AGO3: variants seen among roughly 807,000 people sequenced by gnomAD.
The protein encoded by AGO3 is argonaute RISC catalytic component 3, also known as protein argonaute-3.
A neutral mutation model predicts 105.5 loss-of-function variants in AGO3; 16 were observed. The observed-to-expected ratio is 0.15, with a 90% CI of 0.10 to 0.23. The LOEUF is 0.23. Among genes scored for constraint, AGO3 ranks in the 10% least tolerant of loss-of-function variants. The probability of loss-of-function intolerance (pLI) is 1.00; values close to 1 mark genes in which losing one functional copy is unlikely to be tolerated. For missense variants in AGO3, 534 were observed against 1,088.0 expected (o/e 0.49, Z 7.16); for synonymous variants, 340 against 367.3 (o/e 0.93, Z 0.85).
At chr1:35,970,324 C>T (rs1646842494) in intron 3 of AGO3, among the ~76,000 whole-genome samples, 1 of 152,144 alleles carries the variant, frequency 6.6e-6, no homozygotes, top group South Asian at 2.1e-4. Flanking sequence ...ATCGTGAGTT[C>T]ACACCCGATT....
chr1:35,992,070 G>A (rs1317057523), intron 5 of AGO3: 2 of 152,168 alleles, frequency 1.3e-5, no homozygotes, highest in East Asian at 3.8e-4. Flanking sequence ...TCTCTTGGCT[G>A]GTCAGGTTGT....
chr1:35,937,720 C>A (rs1646176574), intron 1 of AGO3, among the ~76,000 whole-genome samples: 1 of 152,066 alleles, frequency 6.6e-6, no homozygotes, highest in Non-Finnish European at 1.5e-5. Flanking sequence ...CCCATACTGC[C>A]ACCTGATAAG....
At chr1:35,951,440 C>T (rs2148755368) in intron 2 of AGO3, among the ~76,000 whole-genome samples, 1 of 152,226 alleles carries the variant, frequency 6.6e-6, no homozygotes, top group South Asian at 2.1e-4. Flanking sequence ...CTCTGTCACC[C>T]AGGCTGGAGT....
At chr1:36,026,678 A>G (rs940337952) in intron 11 of AGO3, among the ~76,000 whole-genome samples, 7 of 152,218 alleles carry the variant, frequency 4.6e-5, no homozygotes, top group Admixed American at 2.0e-4. Context: ...AGTTTTTACC[A>G]TGGTCCTGGA....
intron 5 of AGO3, among the ~76,000 whole-genome samples, chr1:35,990,275 G>A (rs953456800): frequency 4.6e-5 from 7 of 152,090 alleles, no homozygotes; most frequent in South Asian, 2.1e-4. Context: ...TTGGGAGGCC[G>A]AGGGGGGTGG....
intron 2 of AGO3, among the ~76,000 whole-genome samples, chr1:35,965,892 C>G (rs540487168): frequency 7.2e-6 from 1 of 138,536 alleles, no homozygotes; most frequent in Non-Finnish European, 1.5e-5. Context: ...ATGGCGTGAT[C>G]TCGGCTCACC....
intron 2 of AGO3, among the ~76,000 whole-genome samples, chr1:35,960,653 T>G (rs763509914): frequency 1.3e-5 from 2 of 151,958 alleles, no homozygotes; most frequent in African/African-American, 4.8e-5. Flanking sequence ...TTAAAAAAAA[T>G]TCTAAATATA....
chr1:36,008,850 G>A lies in AGO3; in HGVS notation c.882-47G>A. The stretch of plus-strand genomic sequence containing the variant: ...AGTTAGTGGGGTTGGGAGTTTTTCT[G>A]GCTCATAATGGGCAAGAATTGTTCA... On this transcript the variant is annotated intron_variant, in intron 7 of 18. Coordinates refer to ENST00000373191, the MANE Select transcript of AGO3 (RefSeq NM_024852.4). This position sits in a 1 kb window ranked among gnomAD's most constrained non-coding sequence, Gnocchi z 5.1. 2 of 1,613,978 alleles carry A rather than the reference G, an allele frequency of 1.2e-6. No individual in the cohort carries two copies. Among genetic ancestry groups the A allele is most frequent in the East Asian group, 4.5e-5 (2 of 44,836 alleles).
intron 5 of AGO3, chr1:36,003,923 G>A (rs1418103063): frequency 6.6e-6 from 1 of 152,460 alleles, no homozygotes; most frequent in Non-Finnish European, 1.5e-5. Context: ...GGGAGGCTGA[G>A]GCGGGAGGAT....
chr1:35,941,325 C>A (rs761518822), intron 1 of AGO3, among the ~76,000 whole-genome samples: 2 of 152,102 alleles, frequency 1.3e-5, no homozygotes, highest in Non-Finnish European at 2.9e-5. Flanking sequence ...TTCACCTAGA[C>A]AGCCACATAG....
At chr1:35,988,214 T>C (rs1647295200) in intron 5 of AGO3, among the ~76,000 whole-genome samples, 1 of 152,250 alleles carries the variant, frequency 6.6e-6, no homozygotes. Context: ...GTATACAGTG[T>C]GATTTTTGAT....
At chr1:36,007,787 A>G (rs1640408483) in intron 6 of AGO3, among the ~76,000 whole-genome samples, 2 of 152,206 alleles carry the variant, frequency 1.3e-5, no homozygotes, top group Non-Finnish European at 2.9e-5. Context: ...TGATTACCAT[A>G]TTAGCATAAA....
Position 36,055,858 on chromosome 1 carries a change from A to G in AGO3, c.*113A>G. On this transcript the variant is annotated 3_prime_UTR_variant, in exon 19 of 19. Transcript: ENST00000373191. The surrounding 1 kb of genome is among the most constrained non-coding windows in gnomAD (Gnocchi z 4.4). ...CACCTCCAGCCATACAGAAACCAAC[A>G]CTGTGTGGGGGCCAAGGTCTGATCC... 2.1e-6 allele frequency: 2 copies of G among 955,294 alleles called. No homozygotes were observed. The highest frequency in any genetic ancestry group is 4.5e-5 in the Admixed American group (2 of 44,216). The allele number at this position is 955,294 out of a possible 1,614,324, so 59.2% of individuals were successfully genotyped here.
Position 36,042,413 on chromosome 1 carries a change from G to T in AGO3, c.2173-1034G>T, listed in dbSNP as rs558632633. ...AACTTTTTGTATATATTAATTAGAA[G>T]ATTTACGTGTTGCTAATTTATTAGA... On this transcript the variant is annotated intron_variant, in intron 16 of 18. Coordinates refer to ENST00000373191, the MANE Select transcript of AGO3 (RefSeq NM_024852.4). Among the ~76,000 whole-genome samples, 31 of 152,280 alleles carry T rather than the reference G, an allele frequency of 2.0e-4. 1 individual carries two copies. Among genetic ancestry groups the T allele is most frequent in the African/African-American group, 7.0e-4 (29 of 41,562 alleles).
At chr1:36,036,883 A>G (rs1642035022) in intron 14 of AGO3, among the ~76,000 whole-genome samples, 1 of 151,884 alleles carries the variant, frequency 6.6e-6, no homozygotes, top group Non-Finnish European at 1.5e-5. Context: ...TTTAGTAGAG[A>G]CGGGGCTTCA....
In AGO3 at chr1:36,062,659, A is replaced by G. The variant is rs1284817695; in HGVS notation, c.*6914A>G. ...ACCTACCAGAGGGCAATTTTGCTCC[A>G]TACCAGGAAGCAGTAAATAGCAGTA... On this transcript the variant is annotated 3_prime_UTR_variant, in exon 19 of 19. Coordinates refer to ENST00000373191, the MANE Select transcript of AGO3 (RefSeq NM_024852.4). 5 of 152,176 alleles carry G rather than the reference A, an allele frequency of 3.3e-5. No homozygotes were observed. Among genetic ancestry groups the G allele is most frequent in the East Asian group, 3.8e-4 (2 of 5,196 alleles). The allele number at this position is 152,176 out of a possible 1,614,324, so 9.4% of individuals were successfully genotyped here. A position where few individuals can be genotyped will look rare whatever the true frequency, so the allele number is the denominator to read the frequency against.
intron 5 of AGO3, among the ~76,000 whole-genome samples, chr1:35,983,962 G>T (rs995119604): frequency 1.3e-5 from 2 of 152,074 alleles, no homozygotes; most frequent in African/African-American, 4.8e-5. Flanking sequence ...AAGAGTGTTG[G>T]GACTCTTCAG....
At position 36,027,799 on chromosome 1, in the gene AGO3, T is replaced by G. The variant is rs1641577869; in HGVS notation, c.1591+501T>G. Among the ~76,000 whole-genome samples the G allele has an allele frequency of 1.3e-5, 2 of 150,856 alleles. No individual in the cohort carries two copies. The highest frequency in any genetic ancestry group is 3.0e-5 in the Non-Finnish European group (2 of 67,772). ...GTCTCAAAAAAAAAAAAAAAGGGTTTCAGTAGTGAAAAGAGGCATTACATA... is the reference window on the plus strand; with the variant it reads ...GTCTCAAAAAAAAAAAAAAAGGGTTGCAGTAGTGAAAAGAGGCATTACATA... On this transcript the variant is annotated intron_variant, in intron 12 of 18. Coordinates refer to ENST00000373191, the MANE Select transcript of AGO3 (RefSeq NM_024852.4). This position sits in a 1 kb window ranked among gnomAD's most constrained non-coding sequence, Gnocchi z 4.0.
chr1:36,071,176 AG>A lies in AGO3; in HGVS notation c.*15432del, dbSNP rs1340433035. On this transcript the variant is annotated 3_prime_UTR_variant, in exon 19 of 19. Coordinates refer to ENST00000373191, the MANE Select transcript of AGO3 (RefSeq NM_024852.4). ...TAAAGCGTAGCTAACTGCTCCCACTAGATAATTGCTGCTAAAAACAAAACAA... is the reference window on the plus strand; with the variant it reads ...TAAAGCGTAGCTAACTGCTCCCACTAATAATTGCTGCTAAAAACAAAACAA... The A allele has an allele frequency of 2.0e-5, 3 of 152,308 alleles. No individual in the cohort carries two copies. The highest frequency in any genetic ancestry group is 7.2e-5 in the African/African-American group (3 of 41,556). The allele number at this position is 152,308 out of a possible 1,614,324, so 9.4% of individuals were successfully genotyped here.
Sources: allele counts gnomAD v4.1 joint callset (sites outside exome capture counted in the v4.1 genomes callset), GRCh38; gene constraint gnomAD v4.1.1; non-coding constraint Gnocchi (gnomAD v3.1); transcripts MANE v1.5; gene names NCBI Gene and HGNC (gene_info 2026-07-23, HGNC 2026-07-21).